RORA: variants seen among roughly 807,000 people sequenced by gnomAD.
The protein encoded by RORA is nuclear receptor ROR-alpha.
A neutral mutation model predicts 69.5 loss-of-function variants in RORA; 7 were observed. The observed-to-expected ratio is 0.10, with a 90% CI of 0.06 to 0.19. RORA has a LOEUF of 0.19. Ranked by LOEUF, RORA falls within the 10% of genes least tolerant of loss-of-function variation. RORA has a pLI of 1.00. For synonymous variants in RORA, 261 were observed against 240.8 expected (o/e 1.08, Z -0.78); for missense variants, 457 against 663.0 (o/e 0.69, Z 3.41).
At chr15:60,748,350 T>C (rs1487172913) in intron 1 of RORA, among the ~76,000 whole-genome samples, 1 of 149,678 alleles carries the variant, frequency 6.7e-6, no homozygotes, top group Non-Finnish European at 1.5e-5. Context: ...GAGACATAAA[T>C]TAGTGCCTTC....
intron 1 of RORA, among the ~76,000 whole-genome samples, chr15:61,086,198 A>G (rs2078622441): frequency 6.6e-6 from 1 of 152,240 alleles, no homozygotes; most frequent in Non-Finnish European, 1.5e-5. Flanking sequence ...ACTATCATCC[A>G]TCAAATATTT....
chr15:61,046,809 T>C (rs925858769), intron 1 of RORA, among the ~76,000 whole-genome samples: 8 of 152,192 alleles, frequency 5.3e-5, no homozygotes, highest in Non-Finnish European at 1.0e-4. Flanking sequence ...CAGCCTCCTC[T>C]GGTGTCAACC....
intron 1 of RORA, among the ~76,000 whole-genome samples, chr15:60,824,884 C>T (rs148799826): frequency 7.9e-4 from 121 of 152,220 alleles, no homozygotes; most frequent in African/African-American, 2.8e-3. Flanking sequence ...TAACAGCTGG[C>T]CAAGGACAAA....
chr15:60,644,862 G>T (rs1203631039), intron 2 of RORA, among the ~76,000 whole-genome samples: 1 of 152,146 alleles, frequency 6.6e-6, no homozygotes, highest in African/African-American at 2.4e-5. Context: ...CCTTGCGGGG[G>T]CCAATCACTG....
intron 1 of RORA, among the ~76,000 whole-genome samples, chr15:60,808,837 GTTTGCAGCAACGTGGAAGGAATTGGTA>G (rs1347632559): frequency 6.6e-6 from 1 of 151,998 alleles, no homozygotes; most frequent in Non-Finnish European, 1.5e-5. Flanking sequence ...AAATAATGGT[GTTTGCAGCAACGTGGAAGGAATTGGTA>G]TTTGCAGCAA....
chr15:60,515,991 TTATATATATTTATA>T (rs1567051180), intron 3 of RORA, among the ~76,000 whole-genome samples: 3 of 8,130 alleles, frequency 3.7e-4, no homozygotes, highest in African/African-American at 1.1e-3. Flanking sequence ...TTATATATAT[TTATATATATTTATA>T]TATATTTATA....
At chr15:60,689,312 G>A (rs1254929279) in intron 1 of RORA, among the ~76,000 whole-genome samples, 1 of 152,118 alleles carries the variant, frequency 6.6e-6, no homozygotes, top group African/African-American at 2.4e-5. Flanking sequence ...GTTCCATAGA[G>A]AAAGGAAGGA....
intron 2 of RORA, among the ~76,000 whole-genome samples, chr15:60,643,051 G>T (rs1471615421): frequency 1.3e-5 from 2 of 152,130 alleles, no homozygotes; most frequent in Non-Finnish European, 2.9e-5. Context: ...CAGCTACTCG[G>T]GAGGCTGAGG....
intron 2 of RORA, among the ~76,000 whole-genome samples, chr15:60,550,851 G>A (rs1461200242): frequency 6.6e-6 from 1 of 152,094 alleles, no homozygotes; most frequent in African/African-American, 2.4e-5. Context: ...TTTCAAAATT[G>A]AATGAACTCA....
intron 1 of RORA, among the ~76,000 whole-genome samples, chr15:61,074,119 G>C (rs1053441383): frequency 1.3e-5 from 2 of 152,124 alleles, no homozygotes; most frequent in Non-Finnish European, 2.9e-5. Flanking sequence ...ATCATGAAGA[G>C]CAAAAAAGCT....
At chr15:60,914,858 C>G (rs1241246887) in intron 1 of RORA, among the ~76,000 whole-genome samples, 2 of 152,138 alleles carry the variant, frequency 1.3e-5, no homozygotes, top group Non-Finnish European at 2.9e-5. Flanking sequence ...TCAGAGGACA[C>G]CGGGGGTCAG....
chr15:60,758,152 G>A (rs2071829539), intron 1 of RORA, among the ~76,000 whole-genome samples: 1 of 152,162 alleles, frequency 6.6e-6, no homozygotes, highest in Non-Finnish European at 1.5e-5. Flanking sequence ...ACAGCCTTCT[G>A]GACACTTTCA....
At chr15:60,979,747 T>TGC (rs762564401) in intron 1 of RORA, among the ~76,000 whole-genome samples, 2 of 151,744 alleles carry the variant, frequency 1.3e-5, no homozygotes, top group African/African-American at 2.4e-5. Flanking sequence ...TGTGTGTGTG[T>TGC]GCACGTGTGT....
intron 1 of RORA, among the ~76,000 whole-genome samples, chr15:60,939,179 C>T (rs1460307400): frequency 6.6e-6 from 1 of 152,200 alleles, no homozygotes; most frequent in Non-Finnish European, 1.5e-5. Context: ...GATTCACTCA[C>T]TCATTCACTC....
Position 60,502,828 on chromosome 15 carries a change from A to G in RORA, c.1115T>C (p.Phe372Ser). The change falls in exon 8 of 11, where the codon TTT (phenylalanine) becomes TCT (serine). Residue 372 changes from phenylalanine to serine, a missense_variant. Coordinates refer to ENST00000335670, the MANE Select transcript of RORA (RefSeq NM_134261.3). ...EVVFIRMCRA[F>S]DSQNNTVYFD... ...GTACACGGTGTTGTTCTGAGAGTCA[A>G]AGGCACGGCACATTCTGATAAACAC... is the stretch of plus-strand genomic sequence containing the variant. 6.2e-7 allele frequency: 1 copy of G among 1,614,012 alleles called. No individual in the cohort carries two copies. Among genetic ancestry groups the G allele is most frequent in the Non-Finnish European group, 8.5e-7 (1 of 1,179,886 alleles).
At chr15:61,159,269 A>G (rs1301704414) in intron 1 of RORA, among the ~76,000 whole-genome samples, 1 of 152,134 alleles carries the variant, frequency 6.6e-6, no homozygotes, top group East Asian at 1.9e-4. Flanking sequence ...CTCTCCCTAT[A>G]AAGAAGCAGC....
chr15:60,784,362 A>G (rs139999277), intron 1 of RORA, among the ~76,000 whole-genome samples: 2 of 152,280 alleles, frequency 1.3e-5, no homozygotes, highest in East Asian at 1.9e-4. Flanking sequence ...CTTCCATTCA[A>G]TGGGGGAGAT....
chr15:61,104,716 G>C (rs571876820), intron 1 of RORA, among the ~76,000 whole-genome samples: 1 of 152,142 alleles, frequency 6.6e-6, no homozygotes, highest in Non-Finnish European at 1.5e-5. Context: ...CTGCCACAGG[G>C]TCTTTGCATA....
rs965865001 is a variant in RORA at position 60,490,915 on chromosome 15, T to C, written c.*6540A>G. The C allele has an allele frequency of 2.0e-5, 3 of 152,174 alleles. No homozygotes were observed. The highest frequency in any genetic ancestry group is 7.2e-5 in the African/African-American group (3 of 41,440). The allele number at this position is 152,174 out of a possible 1,614,324, so 9.4% of individuals were successfully genotyped here. A position where few individuals can be genotyped will look rare whatever the true frequency, so the allele number is the denominator to read the frequency against. ...AAATATTATTTAAAGTGGGAAAATA[T>C]GTTGTAGCTTGAAGCCTCCCATTGG... is the stretch of plus-strand genomic sequence containing the variant. On this transcript the variant is annotated 3_prime_UTR_variant, in exon 11 of 11. Transcript: ENST00000335670. The surrounding 1 kb of genome is among the most constrained non-coding windows in gnomAD (Gnocchi z 4.1).
Sources: gnomAD v4.1 joint callset for allele counts (sites outside exome capture counted in the v4.1 genomes callset) on GRCh38, gnomAD v4.1.1 for gene constraint, Gnocchi (gnomAD v3.1) non-coding constraint, MANE v1.5 for transcripts, NCBI Gene and HGNC (gene_info 2026-07-23, HGNC 2026-07-21) for gene names.